Variants in DST observed in about 807,000 individuals in gnomAD.
DST encodes bullous pemphigoid antigen.
Under a neutral mutation model 875.2 loss-of-function variants are expected in DST, and 253 were observed. The ratio of observed to expected loss-of-function variants is 0.29; its 90% confidence interval spans 0.26 to 0.32. The LOEUF (loss-of-function observed/expected upper bound fraction) is 0.32. DST is among the 10% of genes least tolerant of loss of function. DST has a pLI of 1.00. For synonymous variants in DST, 3,124 were observed against 3,197.1 expected (o/e 0.98, Z 0.77); for missense variants, 8,287 against 9,111.6 (o/e 0.91, Z 3.68).
intron 3 of DST, among the ~76,000 whole-genome samples, chr6:56,886,930 A>C (rs531848035): frequency 6.6e-5 from 10 of 152,268 alleles, no homozygotes; most frequent in African/African-American, 2.2e-4. Flanking sequence ...TAAATAAATA[A>C]AGAGAGAGAG....
At chr6:56,468,145 G>T (rs2094681807) in intron 98 of DST, among the ~76,000 whole-genome samples, 1 of 147,474 alleles carries the variant, frequency 6.8e-6, no homozygotes, top group Admixed American at 6.8e-5. Context: ...TAGATAGCAT[G>T]GTTCTTTCCA....
chr6:56,654,577 T>C (rs1251445785), intron 10 of DST, among the ~76,000 whole-genome samples: 2 of 150,314 alleles, frequency 1.3e-5, no homozygotes, highest in Non-Finnish European at 2.9e-5. Flanking sequence ...AAGAGCAATC[T>C]CCCCTAGGCT....
intron 22 of DST, among the ~76,000 whole-genome samples, chr6:56,638,334 G>A (rs975240120): frequency 6.6e-6 from 1 of 152,012 alleles, no homozygotes; most frequent in African/African-American, 2.4e-5. Context: ...ATTCATATGT[G>A]ACATTTCATG....
intron 69 of DST, among the ~76,000 whole-genome samples, chr6:56,522,010 G>T (rs907205397): frequency 1.3e-5 from 2 of 152,086 alleles, no homozygotes; most frequent in Admixed American, 6.6e-5. Context: ...CATCAGAGGA[G>T]CCGAACCACC....
rs114982257 is a variant in DST at position 56,751,687 on chromosome 6, C to T, written c.626-16398G>A. ...AGAGAACCACCATGTGGCCCATTAC[C>T]TACAGACCAAGTGAGCATTTAGCAG... On this transcript the variant is annotated intron_variant, in intron 4 of 103. Coordinates refer to ENST00000680361, the MANE Select transcript of DST (RefSeq NM_001374736.1). Among the ~76,000 whole-genome samples, 2,115 of 152,234 alleles carry T rather than the reference C, an allele frequency of 0.014. 126 individuals carry two copies. In the East Asian group the frequency reaches 0.2, roughly 14 times the overall value.
At chr6:56,461,694 A>T (rs2094337634) in intron 102 of DST, 1 of 152,158 alleles carries the variant, frequency 6.6e-6, no homozygotes, top group Non-Finnish European at 1.5e-5. Context: ...GTTTCCACTT[A>T]AAAAAAATTT....
rs746113542 is a variant in DST, at chr6:56,492,374, T to C, written c.20610A>G (p.Gly6870=). ...REQIIELDKT[G]THLKYFSQKQ... is the part of the protein sequence containing the mutation. ...TCTGACTAAAATATTTTAGGTGGGTTCCAGTTTTGTCCAGCTCTATTATCT... is the reference window on the plus strand; with the variant it reads ...TCTGACTAAAATATTTTAGGTGGGTCCCAGTTTTGTCCAGCTCTATTATCT... The change falls in exon 85 of 104, where the codon GGA becomes GGG. Residue 6870 remains glycine (G), a synonymous_variant. Transcript: ENST00000680361. 2.5e-6 allele frequency: 4 copies of C among 1,613,830 alleles called. No homozygotes were observed. The Admixed American group carries it at 5.0e-5, about 20-fold the overall frequency.
At position 56,553,469 on chromosome 6, in the gene DST, G is replaced by A. The variant is rs761513077; in HGVS notation, c.15323C>T (p.Thr5108Ile). 1.9e-6 allele frequency: 3 copies of A among 1,613,162 alleles called. No homozygotes were observed. In the South Asian group the frequency reaches 3.3e-5, roughly 18 times the overall value. Residue 5108 changes from threonine to isoleucine, a missense_variant, in exon 61 of 104, where the codon ACC becomes ATC. Coordinates refer to ENST00000680361, the MANE Select transcript of DST (RefSeq NM_001374736.1). ...KDHKDFSKTL[T>I]AQSHMYEKTI... ...TTTTTCATACATATGAGACTGAGCG[G>A]TCAAAGTTTTACTAAAGTCTTTATG...
chr6:56,608,201 G>A lies in DST; in HGVS notation c.6427C>T (p.Leu2143=), dbSNP rs761250619. The A allele has an allele frequency of 1.2e-6, 2 of 1,613,536 alleles. No homozygotes were observed. Among genetic ancestry groups the A allele is most frequent in the East Asian group, 2.2e-5 (1 of 44,890 alleles). Residue 2143 remains leucine (L), a synonymous_variant, in exon 40 of 104, where the codon CTG becomes TTG. Coordinates refer to ENST00000680361, the MANE Select transcript of DST (RefSeq NM_001374736.1). ...NTASILKNIT[L]PDKMPDLGDL... ...CCTAAATCTGGCATTTTATCAGGCAGTGTTATATTTTTTAAAATTGATGCT... is the reference window on the plus strand; with the variant it reads ...CCTAAATCTGGCATTTTATCAGGCAATGTTATATTTTTTAAAATTGATGCT...
intron 36 of DST, chr6:56,615,977 T>A: frequency 6.2e-7 from 1 of 1,614,226 alleles, no homozygotes; most frequent in Non-Finnish European, 8.5e-7. Flanking sequence ...CACCCGGTAC[T>A]TTTTGCCAGT....
In DST at chr6:56,505,813, A is replaced by T. The variant is rs73749945; in HGVS notation, c.19464+630T>A. Among the ~76,000 whole-genome samples the T allele has an allele frequency of 9.7e-3, 1,478 of 152,244 alleles. 24 individuals carry two copies. The highest frequency in any genetic ancestry group is 0.033 in the African/African-American group (1,366 of 41,560). ...GAGAAATATACCCGAGTTGGCCTCAACTGACAAGATAATTTTTAATATTAA... is the reference window on the plus strand; with the variant it reads ...GAGAAATATACCCGAGTTGGCCTCATCTGACAAGATAATTTTTAATATTAA... On this transcript the variant is annotated intron_variant, in intron 77 of 103. Transcript: ENST00000680361.
At chr6:56,632,710 T>C (rs2152761833) in intron 28 of DST, 144 bp downstream of exon 28, 1 of 702,464 alleles carries the variant, frequency 1.4e-6, no homozygotes, top group East Asian at 2.7e-5. Context: ...ACCTCAAACA[T>C]GCTTTTACCG....
At chr6:56,913,545 C>G (rs1799627640) in intron 2 of DST, among the ~76,000 whole-genome samples, 1 of 152,186 alleles carries the variant, frequency 6.6e-6, no homozygotes, top group Middle Eastern at 3.2e-3. Context: ...AGTTAAGTAG[C>G]TGCAACAGAG....
chr6:56,510,002 A>G, intron 73 of DST, 129 bp from the exon 74 acceptor site: 2 of 743,294 alleles, frequency 2.7e-6, no homozygotes, highest in Non-Finnish European at 4.2e-6. Context: ...CTTTATCAAC[A>G]GACCCATTCA....
chr6:56,871,701 T>A (rs952241145), intron 3 of DST: 1 of 626,664 alleles, frequency 1.6e-6, no homozygotes, highest in Non-Finnish European at 2.9e-6. Flanking sequence ...GAAAAAGATA[T>A]CCCAGAAGAA....
chr6:56,619,506 A>G (rs1377771674), intron 36 of DST: 4 of 1,612,992 alleles, frequency 2.5e-6, no homozygotes, highest in Non-Finnish European at 2.5e-6. Flanking sequence ...TCTCGAAAAG[A>G]ATGAATTTGT....
chr6:56,627,391 G>T lies in DST; in HGVS notation c.4639-104C>A, dbSNP rs1268501810. The T allele has an allele frequency of 8.4e-6, 7 of 829,116 alleles. No homozygotes were observed. In the African/African-American group the frequency reaches 1.0e-4, roughly 12 times the overall value. 51.4% of individuals were successfully genotyped at this position (829,116 alleles called of 1,614,324 possible). On this transcript the variant is annotated intron_variant, in intron 33 of 103. Transcript: ENST00000680361. ...CATATCTACATCACTTCACAGTACAGCTCCTTAGCCCTTTGCACTTAATAC... is the reference window on the plus strand; with the variant it reads ...CATATCTACATCACTTCACAGTACATCTCCTTAGCCCTTTGCACTTAATAC...
chr6:56,499,816 T>C (rs535869950), intron 80 of DST, among the ~76,000 whole-genome samples: 2 of 152,270 alleles, frequency 1.3e-5, no homozygotes, highest in East Asian at 1.9e-4. Flanking sequence ...GATAGGTTTA[T>C]AAAAATGTAA....
intron 4 of DST, among the ~76,000 whole-genome samples, chr6:56,768,002 A>C (rs566425266): frequency 1.1e-3 from 162 of 152,346 alleles, no homozygotes; most frequent in Non-Finnish European, 2.0e-3. Flanking sequence ...GATGAAGCTA[A>C]AGAGGTAACA....
Sources: allele counts gnomAD v4.1 joint callset (sites outside exome capture counted in the v4.1 genomes callset), GRCh38; gene constraint gnomAD v4.1.1; transcripts MANE v1.5; gene names NCBI Gene and HGNC (gene_info 2026-07-23, HGNC 2026-07-21).